The following RAB30 variants were observed in gnomAD, a reference collection of about 807,000 sequenced individuals.
RAB30 encodes ras-related protein Rab-30.
In RAB30, 9 loss-of-function variants were observed where a neutral mutation model predicts 25.1. The observed-to-expected ratio is 0.36, with a 90% confidence interval of 0.22 to 0.63. The LOEUF (loss-of-function observed/expected upper bound fraction) is 0.63. Ranked by LOEUF, RAB30 falls within the 20% of genes least tolerant of loss-of-function variation. RAB30 has a pLI of 0.69. For missense variants in RAB30, 140 were observed against 243.5 expected (o/e 0.58, Z 2.83); for synonymous variants, 77 against 86.4 (o/e 0.89, Z 0.60).
At chr11:83,014,628 GT>G (rs1857376830) in intron 1 of RAB30, among the ~76,000 whole-genome samples, 1 of 67,412 alleles carries the variant, frequency 1.5e-5, no homozygotes, top group Non-Finnish European at 3.0e-5. Flanking sequence ...AAAGAAAGAA[GT>G]AAGAAAAAGA....
chr11:83,000,156 T>C (rs961050657), intron 1 of RAB30, among the ~76,000 whole-genome samples: 4 of 152,176 alleles, frequency 2.6e-5, no homozygotes, highest in Non-Finnish European at 1.5e-5. Context: ...AGTCGTAAGG[T>C]CCCACAGCTG....
At chr11:83,006,166 T>C (rs951431885) in intron 1 of RAB30, among the ~76,000 whole-genome samples, 6 of 152,238 alleles carry the variant, frequency 3.9e-5, no homozygotes, top group East Asian at 1.9e-4. Context: ...GAGAGCACTA[T>C]TGATTTAAAG....
intron 1 of RAB30, among the ~76,000 whole-genome samples, chr11:83,044,202 G>T (rs1163043517): frequency 1.3e-5 from 2 of 152,106 alleles, no homozygotes; most frequent in African/African-American, 2.4e-5. Context: ...AATGAGAAGG[G>T]TATCTTGTAT....
intron 1 of RAB30, among the ~76,000 whole-genome samples, chr11:83,067,436 T>A (rs1055315268): frequency 6.6e-6 from 1 of 152,140 alleles, no homozygotes; most frequent in African/African-American, 2.4e-5. Flanking sequence ...CGTCCAGAGC[T>A]CTCTTCTACT....
At chr11:83,043,469 A>T (rs1455326161) in intron 1 of RAB30, among the ~76,000 whole-genome samples, 1 of 152,236 alleles carries the variant, frequency 6.6e-6, no homozygotes, top group Admixed American at 6.5e-5. Flanking sequence ...TTTGTTTATC[A>T]GCTAGCTGAT....
intron 2 of RAB30, among the ~76,000 whole-genome samples, 190 bp downstream of exon 2, chr11:82,997,034 C>A (rs372564638): frequency 6.6e-6 from 1 of 152,148 alleles, no homozygotes; most frequent in Non-Finnish European, 1.5e-5. Context: ...GCCATGCTCC[C>A]GTGAGGTGGT....
intron 1 of RAB30, among the ~76,000 whole-genome samples, chr11:83,070,353 A>T (rs1247195443): frequency 6.6e-6 from 1 of 152,256 alleles, no homozygotes; most frequent in Non-Finnish European, 1.5e-5. Context: ...ATGAAATATC[A>T]CACAGCTACA....
intron 1 of RAB30, among the ~76,000 whole-genome samples, chr11:83,055,076 C>T (rs560854302): frequency 2.3e-4 from 35 of 152,292 alleles, no homozygotes; most frequent in African/African-American, 7.9e-4. Flanking sequence ...CTCCTGCCAC[C>T]TACCCGTCAT....
chr11:83,051,522 C>T (rs536086276), intron 1 of RAB30, among the ~76,000 whole-genome samples: 119 of 152,148 alleles, frequency 7.8e-4, no homozygotes, highest in African/African-American at 2.4e-3. Context: ...TCATTTGAAG[C>T]GGCAAGAAGG....
At chr11:83,052,117 G>A (rs1858370751) in intron 1 of RAB30, among the ~76,000 whole-genome samples, 1 of 152,194 alleles carries the variant, frequency 6.6e-6, no homozygotes, top group African/African-American at 2.4e-5. Flanking sequence ...CAGGCCTCCT[G>A]CTCAATTTCC....
At chr11:83,001,720 G>A (rs1857089364) in intron 1 of RAB30, among the ~76,000 whole-genome samples, 1 of 152,144 alleles carries the variant, frequency 6.6e-6, no homozygotes, top group Non-Finnish European at 1.5e-5. Context: ...CCCATGTGAT[G>A]AGACAGCGTT....
At chr11:83,053,046 A>G (rs1858388461) in intron 1 of RAB30, among the ~76,000 whole-genome samples, 8 of 152,152 alleles carry the variant, frequency 5.3e-5, no homozygotes, top group Admixed American at 4.6e-4. Flanking sequence ...TGTGTTAGAA[A>G]AGTTGAAGAG....
chr11:83,007,445 T>C (rs7924457), intron 1 of RAB30, among the ~76,000 whole-genome samples: 2,525 of 152,358 alleles, frequency 0.017, 84 homozygotes, highest in African/African-American at 0.058. Flanking sequence ...ATTCTTCATA[T>C]ATTATGTTTG....
rs552747986 is a variant in RAB30, at chr11:83,045,858, CTG to C, written c.-9+25831_-9+25832del. On this transcript the variant is annotated intron_variant, in intron 1 of 4. Coordinates refer to ENST00000527633, the MANE Select transcript of RAB30 (RefSeq NM_001286060.2). ...TCCACCCTGAGATTCTAATAATTAGCTGTGTGACCCAGAGTAAGTAATTTAAA... is the reference window on the plus strand; with the variant it reads ...TCCACCCTGAGATTCTAATAATTAGCTGTGACCCAGAGTAAGTAATTTAAA... Among the ~76,000 whole-genome samples the C allele has an allele frequency of 4.7e-3, 717 of 152,264 alleles. 5 individuals are homozygous for C. Among genetic ancestry groups the C allele is most frequent in the African/African-American group, 0.017 (693 of 41,540 alleles).
At chr11:83,013,826 A>C (rs1857356728) in intron 1 of RAB30, among the ~76,000 whole-genome samples, 1 of 152,244 alleles carries the variant, frequency 6.6e-6, no homozygotes, top group Non-Finnish European at 1.5e-5. Flanking sequence ...AATAAGCCAG[A>C]TACTTAGAAA....
At chr11:83,063,370 A>G (rs1175942732) in intron 1 of RAB30, among the ~76,000 whole-genome samples, 6 of 152,210 alleles carry the variant, frequency 3.9e-5, no homozygotes. Flanking sequence ...TTTTCATTTC[A>G]AGGTTGATGA....
chr11:83,051,549 TC>T (rs1362096527), intron 1 of RAB30, among the ~76,000 whole-genome samples: 1 of 152,090 alleles, frequency 6.6e-6, no homozygotes, highest in African/African-American at 2.4e-5. Flanking sequence ...TAAGCAACGA[TC>T]CCTAAGTGTC....
At chr11:83,061,547 A>G (rs1334114719) in intron 1 of RAB30, among the ~76,000 whole-genome samples, 1 of 152,184 alleles carries the variant, frequency 6.6e-6, no homozygotes, top group Non-Finnish European at 1.5e-5. Context: ...GCATGGCGAT[A>G]TCTGCAACTT....
chr11:83,028,049 A>C (rs910795866), intron 1 of RAB30, among the ~76,000 whole-genome samples: 2 of 152,212 alleles, frequency 1.3e-5, no homozygotes, highest in African/African-American at 4.8e-5. Context: ...AAAGATACAG[A>C]CCATGGCAAA....
Sources: gnomAD v4.1 joint callset for allele counts (sites outside exome capture counted in the v4.1 genomes callset) on GRCh38, gnomAD v4.1.1 for gene constraint, MANE v1.5 for transcripts, NCBI Gene and HGNC (gene_info 2026-07-23, HGNC 2026-07-21) for gene names.